The following TSHZ2 variants were observed in gnomAD, a reference collection of about 807,000 sequenced individuals.
The protein encoded by TSHZ2 is teashirt homolog 2.
TSHZ2 carries 21 observed loss-of-function variants against 74.4 expected under a neutral mutation model. The ratio of observed to expected loss-of-function variants is 0.28; its 90% CI spans 0.20 to 0.41. The LOEUF (loss-of-function observed/expected upper bound fraction) is 0.41. Ranked by LOEUF, TSHZ2 falls within the 10% of genes least tolerant of loss-of-function variation. The pLI is 1.00. For missense variants in TSHZ2, 1,244 were observed against 1,293.5 expected (o/e 0.96, Z 0.59); for synonymous variants, 540 against 515.3 (o/e 1.05, Z -0.65).
chr20:53,183,624 C>T (rs1046392624), intron 1 of TSHZ2, among the ~76,000 whole-genome samples: 1 of 152,184 alleles, frequency 6.6e-6, no homozygotes, highest in African/African-American at 2.4e-5. Flanking sequence ...TCTCACATTT[C>T]TCATGGAAAA....
At chr20:53,087,771 C>T (rs955132344) in intron 1 of TSHZ2, among the ~76,000 whole-genome samples, 9 of 152,138 alleles carry the variant, frequency 5.9e-5, no homozygotes, top group African/African-American at 1.4e-4. Flanking sequence ...AATGATGGTA[C>T]GTGTTGGCTG....
intron 1 of TSHZ2, among the ~76,000 whole-genome samples, chr20:52,994,445 A>ATGG (rs1555812745): frequency 4.2e-4 from 64 of 151,594 alleles, no homozygotes; most frequent in Non-Finnish European, 1.9e-4. Flanking sequence ...TGAGTGAATG[A>ATGG]ATGGACGGAT....
intron 2 of TSHZ2, among the ~76,000 whole-genome samples, chr20:53,409,345 T>C (rs528833158): frequency 3.9e-4 from 59 of 152,320 alleles, no homozygotes; most frequent in African/African-American, 1.4e-3. Context: ...AAACATGTTG[T>C]GGCGCCTACT....
intron 1 of TSHZ2, among the ~76,000 whole-genome samples, chr20:53,216,144 G>A (rs944697680): frequency 2.0e-5 from 3 of 152,124 alleles, no homozygotes. Context: ...ACAGTGGGGG[G>A]CCAGCTCACT....
chr20:53,490,987 G>A lies in TSHZ2; in HGVS notation c.*3852G>A, dbSNP rs527253182. On this transcript the variant is annotated 3_prime_UTR_variant, in exon 3 of 3. Transcript: ENST00000371497. The stretch of plus-strand genomic sequence containing the variant: ...TTGCTTTTCCATCTGTCACTTCTCA[G>A]GTTATTTGACTGTGTTCAAACCTTC... 2 of 151,738 alleles carry A rather than the reference G, an allele frequency of 1.3e-5. No individual in the cohort carries two copies. The highest frequency in any genetic ancestry group is 2.9e-5 in the Non-Finnish European group (2 of 67,946). 9.4% of individuals were successfully genotyped at this position (151,738 alleles called of 1,614,324 possible).
intron 2 of TSHZ2, among the ~76,000 whole-genome samples, chr20:53,470,684 C>T (rs938613117): frequency 2.6e-5 from 4 of 151,938 alleles, no homozygotes; most frequent in Non-Finnish European, 4.4e-5. Flanking sequence ...TGTGGTGGTG[C>T]GCACCTGTAA....
intron 1 of TSHZ2, among the ~76,000 whole-genome samples, chr20:53,165,117 ATGGATGGG>A (rs1039005146): frequency 2.6e-5 from 4 of 152,090 alleles, no homozygotes; most frequent in African/African-American, 9.7e-5. Flanking sequence ...GGATGGATGG[ATGGATGGG>A]TGGATGGATG....
chr20:53,038,546 C>T (rs144541920), intron 1 of TSHZ2, among the ~76,000 whole-genome samples: 331 of 152,296 alleles, frequency 2.2e-3, no homozygotes, highest in African/African-American at 7.4e-3. Context: ...GACATAATGG[C>T]TGCCTTTTCT....
Position 53,036,455 on chromosome 20 carries a change from CAT to C in TSHZ2, c.40+63125_40+63126del, listed in dbSNP as rs1983821818. On this transcript the variant is annotated intron_variant, in intron 1 of 2. Coordinates refer to ENST00000371497, the MANE Select transcript of TSHZ2 (RefSeq NM_173485.6). ...ACGTATACATACACACATATATACA[CAT>C]ATGTATTAGAAAGAAATAGAAACAC... 5.3e-5 allele frequency among the ~76,000 whole-genome samples: 8 copies of C among 151,432 alleles called. No homozygotes were observed. The South Asian group carries it at 1.7e-3, about 32-fold the overall frequency.
intron 2 of TSHZ2, among the ~76,000 whole-genome samples, chr20:53,447,988 A>G (rs1482156915): frequency 6.7e-6 from 1 of 148,394 alleles, no homozygotes; most frequent in African/African-American, 2.5e-5. Context: ...ATCTCGGCTC[A>G]CGGCAAGCTC....
intron 2 of TSHZ2, among the ~76,000 whole-genome samples, chr20:53,465,218 T>C (rs1437479366): frequency 6.6e-6 from 1 of 152,144 alleles, no homozygotes; most frequent in East Asian, 1.9e-4. Context: ...TTTGTAAAAA[T>C]TGGTAATTAT....
chr20:53,042,267 C>G (rs1984068266), intron 1 of TSHZ2, among the ~76,000 whole-genome samples: 1 of 152,132 alleles, frequency 6.6e-6, no homozygotes, highest in African/African-American at 2.4e-5. Context: ...TTAGGATCAT[C>G]TGAAGTTCAT....
chr20:53,281,546 A>G (rs1008267803), intron 2 of TSHZ2, among the ~76,000 whole-genome samples: 6 of 152,210 alleles, frequency 3.9e-5, no homozygotes. Context: ...AACTTTATTT[A>G]TGAAAATAAG....
At chr20:53,384,602 C>T (rs545332324) in intron 2 of TSHZ2, among the ~76,000 whole-genome samples, 12 of 152,214 alleles carry the variant, frequency 7.9e-5, no homozygotes, top group Admixed American at 5.9e-4. Context: ...GGCTTGACCT[C>T]TTTGGGCCTG....
At chr20:53,220,569 A>G (rs1392921570) in intron 1 of TSHZ2, among the ~76,000 whole-genome samples, 1 of 152,080 alleles carries the variant, frequency 6.6e-6, no homozygotes, top group Non-Finnish European at 1.5e-5. Context: ...TTATTGATGC[A>G]TTGTCTATGG....
At chr20:53,426,615 T>G (rs2145725472) in intron 2 of TSHZ2, among the ~76,000 whole-genome samples, 1 of 152,326 alleles carries the variant, frequency 6.6e-6, no homozygotes, top group East Asian at 1.9e-4. Context: ...GATTTTTATT[T>G]TAGCGGAAGT....
intron 1 of TSHZ2, among the ~76,000 whole-genome samples, chr20:53,108,981 C>A (rs1301368169): frequency 6.6e-6 from 1 of 152,096 alleles, no homozygotes. Flanking sequence ...GAACTCAGGA[C>A]AGTTCTTGGG....
intron 2 of TSHZ2, among the ~76,000 whole-genome samples, chr20:53,263,222 A>G (rs1206572698): frequency 6.6e-6 from 1 of 152,176 alleles, no homozygotes. Context: ...CTTTTTCTCA[A>G]TGAATTTTGG....
At chr20:52,982,906 T>C (rs987143030) in intron 1 of TSHZ2, among the ~76,000 whole-genome samples, 25 of 152,134 alleles carry the variant, frequency 1.6e-4, no homozygotes, top group Non-Finnish European at 3.2e-4. Context: ...GCCAAAGGCC[T>C]AAGGAGGTGA....
Sources: allele counts gnomAD v4.1 joint callset (sites outside exome capture counted in the v4.1 genomes callset), GRCh38; gene constraint gnomAD v4.1.1; transcripts MANE v1.5; gene names NCBI Gene and HGNC (gene_info 2026-07-23, HGNC 2026-07-21).